Variants in FAM120AOS observed in about 807,000 individuals in gnomAD.
FAM120AOS encodes uncharacterized protein FAM120AOS.
FAM120AOS carries 15 observed loss-of-function variants against 20.2 expected under a neutral mutation model. That is an observed-to-expected ratio of 0.74 (90% CI 0.50 to 1.15). The LOEUF (loss-of-function observed/expected upper bound fraction) is 1.15. FAM120AOS is among the 50% of genes most tolerant of loss of function. FAM120AOS has a pLI of 0.00. For synonymous variants in FAM120AOS, 154 were observed against 154.0 expected (o/e 1.00, Z 0.00); for missense variants, 327 against 351.9 (o/e 0.93, Z 0.57).
Position 93,447,445 on chromosome 9 carries a change from G to A in FAM120AOS, c.*166C>T, listed in dbSNP as rs1588738758. 1 of 631,750 alleles carries A rather than the reference G, an allele frequency of 1.6e-6. No individual in the cohort carries two copies. Among genetic ancestry groups the A allele is most frequent in the East Asian group, 2.7e-5 (1 of 37,372 alleles). The allele number at this position is 631,750 out of a possible 1,614,324, so 39.1% of individuals were successfully genotyped here. A position where few individuals can be genotyped will look rare whatever the true frequency, so the allele number is the denominator to read the frequency against. ...TTCACATTCAGATGTGTTAATAAAA[G>A]TGGATAAAGACCACTCTAGCTTTAA... On this transcript the variant is annotated 3_prime_UTR_variant, in exon 3 of 3. Coordinates refer to ENST00000375412, the MANE Select transcript of FAM120AOS (RefSeq NM_198841.4).
In FAM120AOS at chr9:93,445,230, A is replaced by T. The variant is rs1856807243; in HGVS notation, c.*2381T>A. On this transcript the variant is annotated 3_prime_UTR_variant, in exon 3 of 3. Coordinates refer to ENST00000375412, the MANE Select transcript of FAM120AOS (RefSeq NM_198841.4). ...TTCAGCATTCCTTTTCCCTTCCTAA[A>T]GGTACTCAGGTTTCTTTCTCAGAAA... 1.3e-5 allele frequency among the ~76,000 whole-genome samples: 2 copies of T among 152,148 alleles called. No individual in the cohort carries two copies. The highest frequency in any genetic ancestry group is 4.8e-5 in the African/African-American group (2 of 41,428).
Position 93,447,707 on chromosome 9 carries a change from A to G in FAM120AOS, c.685-10T>C, listed in dbSNP as rs1354774897. 2.0e-6 allele frequency: 3 copies of G among 1,482,696 alleles called. No homozygotes were observed. The highest frequency in any genetic ancestry group is 1.9e-5 in the Admixed American group (1 of 52,260). 91.8% of individuals were successfully genotyped at this position (1,482,696 alleles called of 1,614,324 possible). A position where few individuals can be genotyped will look rare whatever the true frequency, so the allele number is the denominator to read the frequency against. ...AACAGCTTCTGGAAATCTGAAAAGA[A>G]AAAAAAAAAGGTAGTTTATATATTA... On this transcript the variant is annotated splice_polypyrimidine_tract_variant and intron_variant, in intron 2 of 2. Coordinates refer to ENST00000375412, the MANE Select transcript of FAM120AOS (RefSeq NM_198841.4).
rs200709426 is a variant in FAM120AOS at position 93,452,531 on chromosome 9, G to A, written c.179C>T (p.Pro60Leu). Residue 60 changes from proline to leucine, a missense_variant, in exon 1 of 3, where the codon CCG becomes CTG. Pro to Leu is a moderately conservative substitution (Grantham distance 98). Transcript: ENST00000375412. This position sits in a 1 kb window ranked among gnomAD's most constrained non-coding sequence, Gnocchi z 7.0. ...AGCCCTTGCCCGGGATAGCCTGGCC[G>A]GGCCGGGCTGCAAGATGGATGGCCG... Reference protein sequence around the residue: ...HPRPSILQPGPARLSRARAGG... With the variant: ...HPRPSILQPGLARLSRARAGG... The A allele has an allele frequency of 9.6e-6, 15 of 1,561,460 alleles. No individual in the cohort carries two copies. Among genetic ancestry groups the A allele is most frequent in the Admixed American group, 1.9e-5 (1 of 53,464 alleles).
chr9:93,451,575 C>T, intron 1 of FAM120AOS: 1 of 984,400 alleles, frequency 1.0e-6, no homozygotes, highest in Non-Finnish European at 1.2e-6. Context: ...CCGCCGGCGC[C>T]GCCTCTTCCG....
At chr9:93,451,209 G>C (rs41274392) in intron 1 of FAM120AOS, 29,125 of 1,531,108 alleles carry the variant, frequency 0.019, 369 homozygotes, top group Middle Eastern at 0.036. Context: ...AGAGTGGTGC[G>C]AGCCGACGGC....
rs1365148085 is a variant in FAM120AOS, at chr9:93,445,267, C to A, written c.*2344G>T. Among the ~76,000 whole-genome samples the A allele has an allele frequency of 6.6e-6, 1 of 150,530 alleles. No individual in the cohort carries two copies. Among genetic ancestry groups the A allele is most frequent in the Non-Finnish European group, 1.5e-5 (1 of 67,916 alleles). On this transcript the variant is annotated 3_prime_UTR_variant, in exon 3 of 3. Transcript: ENST00000375412. ...TTCTTTCTCAGAAATTGTATATATT[C>A]ATCCCTGAAAGGTCTGAGAAAAAAT...
chr9:93,447,534 G>A lies in FAM120AOS; in HGVS notation c.*77C>T. The A allele has an allele frequency of 7.9e-7, 1 of 1,263,104 alleles. No homozygotes were observed. Among genetic ancestry groups the A allele is most frequent in the Non-Finnish European group, 1.1e-6 (1 of 870,962 alleles). 78.2% of individuals were successfully genotyped at this position (1,263,104 alleles called of 1,614,324 possible). A position where few individuals can be genotyped will look rare whatever the true frequency, so the allele number is the denominator to read the frequency against. The stretch of plus-strand genomic sequence containing the variant: ...CAGAAGCTGAGGAATGGTGAATAGA[G>A]CATTTTCCCTCACACGATGGGTATC... On this transcript the variant is annotated 3_prime_UTR_variant, in exon 3 of 3. Transcript: ENST00000375412.
At position 93,452,156 on chromosome 9, in the gene FAM120AOS, C is replaced by T. The variant is rs1050374233; in HGVS notation, c.554G>A (p.Ser185Asn). The change falls in exon 1 of 3, where the codon AGC becomes AAC. Residue 185 changes from serine (S) to asparagine (N), a missense_variant. This residue lies in a region of FAM120AOS where 86 missense variants were observed against 140.2 expected (regional missense o/e 0.61). Transcript: ENST00000375412. The surrounding 1 kb of genome is among the most constrained non-coding windows in gnomAD (Gnocchi z 7.0). ...SMLPPKQALA[S>N]AARNLCRGAG... ...CCACATGCTTGGCTACCTGGCGGCG[C>T]TGGCCAAGGCCTGCTTCGGCGGCAA... The T allele has an allele frequency of 1.9e-6, 3 of 1,611,960 alleles. No homozygotes were observed. The highest frequency in any genetic ancestry group is 1.7e-6 in the Non-Finnish European group (2 of 1,179,802).
At chr9:93,451,437 T>G (rs538650811) in intron 1 of FAM120AOS, 2 of 1,254,390 alleles carry the variant, frequency 1.6e-6, no homozygotes, top group Non-Finnish European at 2.0e-6. Flanking sequence ...CCGACCGGCC[T>G]GAGGCGGGCG....
intron 1 of FAM120AOS, chr9:93,451,238 T>G: frequency 1.3e-6 from 2 of 1,521,750 alleles, no homozygotes; most frequent in South Asian, 2.4e-5. Flanking sequence ...AAAGGCGGCG[T>G]CCCGACGAAC....
rs536207143 is a variant in FAM120AOS at position 93,445,097 on chromosome 9, G to A, written c.*2514C>T. ...CTGAAGAGTGGCTTAAGATTTAGAA[G>A]GCATAGCTCTACAGTCTCTTTGTCT... On this transcript the variant is annotated 3_prime_UTR_variant, in exon 3 of 3. Coordinates refer to ENST00000375412, the MANE Select transcript of FAM120AOS (RefSeq NM_198841.4). 2.3e-3 allele frequency among the ~76,000 whole-genome samples: 348 copies of A among 152,262 alleles called. 1 individual carries two copies. Among genetic ancestry groups the A allele is most frequent in the African/African-American group, 8.1e-3 (336 of 41,554 alleles).
In FAM120AOS at chr9:93,453,512, T is replaced by G; in HGVS notation, c.-803A>C. 1 of 985,474 alleles carries G rather than the reference T, an allele frequency of 1.0e-6. No individual in the cohort carries two copies. The highest frequency in any genetic ancestry group is 1.2e-6 in the Non-Finnish European group (1 of 829,938). 61.0% of individuals were successfully genotyped at this position (985,474 alleles called of 1,614,324 possible). ...GACATTTCCTTGAAACTGCTGGAGC[T>G]GAAAGTTTGTGAAATTCTGTCTTCG... On this transcript the variant is annotated 5_prime_UTR_variant, in exon 1 of 3. Transcript: ENST00000375412.
In FAM120AOS at chr9:93,453,533, C is replaced by G. The variant is rs550416251; in HGVS notation, c.-824G>C. 1.8e-4 allele frequency: 176 copies of G among 985,346 alleles called. No homozygotes were observed. Among genetic ancestry groups the G allele is most frequent in the Non-Finnish European group, 2.1e-4 (174 of 829,958 alleles). The allele number at this position is 985,346 out of a possible 1,614,324, so 61.0% of individuals were successfully genotyped here. A position where few individuals can be genotyped will look rare whatever the true frequency, so the allele number is the denominator to read the frequency against. On this transcript the variant is annotated 5_prime_UTR_variant, in exon 1 of 3. Coordinates refer to ENST00000375412, the MANE Select transcript of FAM120AOS (RefSeq NM_198841.4). ...GAGCTGAAAGTTTGTGAAATTCTGT[C>G]TTCGCGGTTGCCCCCACTGCCCGCG...
chr9:93,448,789 T>G (rs1856958931), intron 2 of FAM120AOS, among the ~76,000 whole-genome samples: 1 of 151,370 alleles, frequency 6.6e-6, no homozygotes, highest in Admixed American at 6.6e-5. Context: ...GGCTAATTTT[T>G]TTTTGTATTT....
Position 93,445,211 on chromosome 9 carries a change from A to G in FAM120AOS, c.*2400T>C, listed in dbSNP as rs1205777195. On this transcript the variant is annotated 3_prime_UTR_variant, in exon 3 of 3. Transcript: ENST00000375412. ...GACATGTTATTTGGGGATATTCAGC[A>G]TTCCTTTTCCCTTCCTAAAGGTACT... Among the ~76,000 whole-genome samples the G allele has an allele frequency of 1.3e-5, 2 of 152,166 alleles. No homozygotes were observed. Among genetic ancestry groups the G allele is most frequent in the Non-Finnish European group, 2.9e-5 (2 of 68,032 alleles).
At chr9:93,451,045 G>A in intron 1 of FAM120AOS, 3 of 1,550,592 alleles carry the variant, frequency 1.9e-6, no homozygotes, top group Non-Finnish European at 2.6e-6. Flanking sequence ...TGTCATAGGT[G>A]TAAAAACCAC....
chr9:93,452,598 C>A lies in FAM120AOS; in HGVS notation c.112G>T (p.Asp38Tyr), dbSNP rs1175649620. 6 of 1,598,720 alleles carry A rather than the reference C, an allele frequency of 3.8e-6. No individual in the cohort carries two copies. The highest frequency in any genetic ancestry group is 5.1e-6 in the Non-Finnish European group (6 of 1,179,542). ...VPTRPRTPNR[D>Y]SWRRAWAARG... ...GCTGCCCAAGCCCGTCTCCAGCTGTCCCTGTTCGGGGTCCGCGGCCGCGTG... is the reference window on the plus strand; with the variant it reads ...GCTGCCCAAGCCCGTCTCCAGCTGTACCTGTTCGGGGTCCGCGGCCGCGTG... The change falls in exon 1 of 3, where the codon GAC becomes TAC. Residue 38 changes from aspartate (D) to tyrosine (Y), a missense_variant. This residue lies in a region of FAM120AOS where 155 missense variants were observed against 128.8 expected (regional missense o/e 1.20). Transcript: ENST00000375412. This position sits in a 1 kb window ranked among gnomAD's most constrained non-coding sequence, Gnocchi z 7.0.
At position 93,444,586 on chromosome 9, in the gene FAM120AOS, T is replaced by A. The variant is rs947317749; in HGVS notation, c.*3025A>T. 6.6e-6 allele frequency among the ~76,000 whole-genome samples: 1 copy of A among 151,872 alleles called. No individual in the cohort carries two copies. Among genetic ancestry groups the A allele is most frequent in the Non-Finnish European group, 1.5e-5 (1 of 67,982 alleles). On this transcript the variant is annotated 3_prime_UTR_variant, in exon 3 of 3. Coordinates refer to ENST00000375412, the MANE Select transcript of FAM120AOS (RefSeq NM_198841.4). ...CCTGTAGGTTACGGAAATGTCACAG[T>A]ATGTTTTGAGGCCAGTAAGGAGTTC...
Position 93,447,561 on chromosome 9 carries a change from G to T in FAM120AOS, c.*50C>A, listed in dbSNP as rs1477183754. On this transcript the variant is annotated 3_prime_UTR_variant, in exon 3 of 3. Coordinates refer to ENST00000375412, the MANE Select transcript of FAM120AOS (RefSeq NM_198841.4). ...ATTTTCCCTCACACGATGGGTATCA[G>T]GGTGGTTTCTTGTCCTTTCAATGCC... 1 of 1,491,402 alleles carries T rather than the reference G, an allele frequency of 6.7e-7. No homozygotes were observed. The highest frequency in any genetic ancestry group is 1.1e-5 in the South Asian group (1 of 88,004). The allele number at this position is 1,491,402 out of a possible 1,614,324, so 92.4% of individuals were successfully genotyped here.
Sources: allele counts gnomAD v4.1 joint callset (sites outside exome capture counted in the v4.1 genomes callset), GRCh38; gene constraint gnomAD v4.1.1; regional missense constraint gnomAD v4.1.1; non-coding constraint Gnocchi (gnomAD v3.1); transcripts MANE v1.5; gene names NCBI Gene and HGNC (gene_info 2026-07-23, HGNC 2026-07-21).